PARD3: variants seen among roughly 807,000 people sequenced by gnomAD.
The protein encoded by PARD3 is par-3 family cell polarity regulator.
A neutral mutation model predicts 155.4 loss-of-function variants in PARD3; 75 were observed. That is an observed-to-expected ratio of 0.48 (90% CI 0.40 to 0.58). The LOEUF is 0.58. PARD3 is among the 20% of genes least tolerant of loss of function. PARD3 has a pLI of 0.00. For missense variants in PARD3, 1,642 were observed against 1,721.7 expected, an observed-to-expected ratio of 0.95 and a Z score of 0.82; for synonymous variants, 576 against 610.5, an observed-to-expected ratio of 0.94 and a Z score of 0.83.
intron 22 of PARD3, among the ~76,000 whole-genome samples, chr10:34,259,529 G>A (rs915525744): frequency 1.3e-5 from 2 of 152,106 alleles, no homozygotes; most frequent in Non-Finnish European, 2.9e-5. Flanking sequence ...ATAAAGCCTT[G>A]TGATTACACT....
chr10:34,585,528 T>C (rs1183801885), intron 2 of PARD3, among the ~76,000 whole-genome samples: 1 of 145,276 alleles, frequency 6.9e-6, no homozygotes, highest in Non-Finnish European at 1.5e-5. Flanking sequence ...CTAATTTTTC[T>C]TTTTTTTTCT....
At chr10:34,264,280 A>G (rs1955181940) in intron 22 of PARD3, among the ~76,000 whole-genome samples, 1 of 152,220 alleles carries the variant, frequency 6.6e-6, no homozygotes, top group Non-Finnish European at 1.5e-5. Context: ...TGTTTAAGGT[A>G]GGCTAGCTAA....
chr10:34,646,344 C>T (rs2092836472), intron 2 of PARD3, among the ~76,000 whole-genome samples: 1 of 152,182 alleles, frequency 6.6e-6, no homozygotes, highest in Non-Finnish European at 1.5e-5. Flanking sequence ...GCTTTCTCTG[C>T]TGTCCAAATA....
chr10:34,567,869 C>T (rs536181138), intron 2 of PARD3, among the ~76,000 whole-genome samples: 1 of 151,882 alleles, frequency 6.6e-6, no homozygotes, highest in East Asian at 1.9e-4. Flanking sequence ...TCCTCAGAAT[C>T]GTGAGATGTA....
intron 1 of PARD3, among the ~76,000 whole-genome samples, chr10:34,724,441 G>GA (rs144006732): frequency 0.037 from 5,570 of 152,074 alleles, 361 homozygotes; most frequent in African/African-American, 0.13. Flanking sequence ...ACATTGGCTA[G>GA]AAAAAATTAT....
intron 2 of PARD3, among the ~76,000 whole-genome samples, chr10:34,564,634 A>T (rs144943035): frequency 6.6e-6 from 1 of 152,316 alleles, no homozygotes; most frequent in African/African-American, 2.4e-5. Context: ...CCTTGCTAAC[A>T]TTACTGCATT....
chr10:34,714,338 T>G (rs540015676), intron 1 of PARD3, among the ~76,000 whole-genome samples: 1 of 152,322 alleles, frequency 6.6e-6, no homozygotes, highest in Admixed American at 6.5e-5. Context: ...AGTAGACTAT[T>G]ATTAGGAATA....
intron 2 of PARD3, among the ~76,000 whole-genome samples, chr10:34,544,847 T>C (rs976560684): frequency 2.6e-5 from 4 of 152,188 alleles, no homozygotes; most frequent in African/African-American, 9.7e-5. Context: ...ATTATTCTCA[T>C]TTACACTGGA....
chr10:34,531,503 T>C (rs1463453311), intron 2 of PARD3, among the ~76,000 whole-genome samples: 1 of 152,230 alleles, frequency 6.6e-6, no homozygotes, highest in Non-Finnish European at 1.5e-5. Context: ...AATAGGTGCT[T>C]TTCCTTTAAC....
chr10:34,790,609 A>G (rs563173834), intron 1 of PARD3, among the ~76,000 whole-genome samples: 2 of 152,382 alleles, frequency 1.3e-5, no homozygotes, highest in South Asian at 4.1e-4. Context: ...AAAAAGAATG[A>G]GTATTCTCTT....
chr10:34,607,472 GA>G (rs1222401041), intron 2 of PARD3, among the ~76,000 whole-genome samples: 3 of 152,190 alleles, frequency 2.0e-5, no homozygotes, highest in African/African-American at 7.2e-5. Flanking sequence ...TAGTGGGAGG[GA>G]AAAGAGTGCA....
chr10:34,290,087 T>C (rs536842735), intron 20 of PARD3, among the ~76,000 whole-genome samples: 48 of 152,338 alleles, frequency 3.2e-4, no homozygotes, highest in Middle Eastern at 3.4e-3. Context: ...TATTTTACTA[T>C]TTAAATAGTA....
chr10:34,125,053 C>T lies in PARD3; in HGVS notation c.3541-5313G>A, dbSNP rs991818578. ...GGGCACCTCTCTGCAGATGGCTTAT[C>T]TCCAGGTCTATTTCTTTCTTTTTTT... is the stretch of plus-strand genomic sequence containing the variant. On this transcript the variant is annotated intron_variant, in intron 23 of 24. Transcript: ENST00000374788. Among the ~76,000 whole-genome samples the T allele has an allele frequency of 8.1e-5, 12 of 147,864 alleles. No individual in the cohort carries two copies. In the South Asian group the frequency reaches 2.1e-3, roughly 26 times the overall value.
At chr10:34,668,830 ATTTT>A (rs146182419) in intron 2 of PARD3, among the ~76,000 whole-genome samples, 1 of 148,230 alleles carries the variant, frequency 6.7e-6, no homozygotes, top group African/African-American at 2.5e-5. Context: ...TAAAAGTTTG[ATTTT>A]TTTTTTTAAG....
chr10:34,480,870 C>T (rs938059207), intron 3 of PARD3, among the ~76,000 whole-genome samples: 2 of 144,316 alleles, frequency 1.4e-5, no homozygotes, highest in African/African-American at 2.6e-5. Flanking sequence ...GGCGCGATAT[C>T]GGCTCACTGC....
At chr10:34,490,091 T>G (rs2079788975) in intron 3 of PARD3, among the ~76,000 whole-genome samples, 1 of 152,156 alleles carries the variant, frequency 6.6e-6, no homozygotes. Flanking sequence ...CTCACCTACA[T>G]CTACCATCAC....
intron 22 of PARD3, among the ~76,000 whole-genome samples, chr10:34,167,506 T>TAA (rs142809627): frequency 2.1e-5 from 3 of 145,388 alleles, no homozygotes; most frequent in African/African-American, 7.6e-5. Flanking sequence ...TATGAAACAT[T>TAA]AAAAAAAAAA....
At chr10:34,308,581 CGCGGGAGCAGTTTGCGGGGAG>C (rs1957532858) in intron 20 of PARD3, among the ~76,000 whole-genome samples, 1 of 152,056 alleles carries the variant, frequency 6.6e-6, no homozygotes, top group Non-Finnish European at 1.5e-5. Flanking sequence ...AGGGAAGGCT[CGCGGGAGCAGTTTGCGGGGAG>C]GGGGAATCCA....
chr10:34,316,456 C>T (rs1423830200), intron 20 of PARD3, among the ~76,000 whole-genome samples: 1 of 152,200 alleles, frequency 6.6e-6, no homozygotes, highest in Non-Finnish European at 1.5e-5. Flanking sequence ...CCAGAGACCA[C>T]ATTTAATGAA....
Sources: allele counts gnomAD v4.1 joint callset (sites outside exome capture counted in the v4.1 genomes callset), GRCh38; gene constraint gnomAD v4.1.1; transcripts MANE v1.5; gene names NCBI Gene and HGNC (gene_info 2026-07-23, HGNC 2026-07-21).